Variants in TCFL5 observed in about 807,000 individuals in gnomAD.
The protein encoded by TCFL5 is transcription factor-like 5 protein.
A neutral mutation model predicts 44.3 loss-of-function variants in TCFL5; 9 were observed. That is an observed-to-expected ratio of 0.20 (90% CI 0.12 to 0.35). The LOEUF is 0.35. TCFL5 is among the 10% of genes least tolerant of loss of function. TCFL5 has a pLI of 1.00. For missense variants in TCFL5, 603 were observed against 613.4 expected (o/e 0.98, Z 0.18); for synonymous variants, 319 against 271.6 (o/e 1.17, Z -1.72).
chr20:62,853,092 G>A (rs777591263), intron 5 of TCFL5, among the ~76,000 whole-genome samples: 13 of 141,626 alleles, frequency 9.2e-5, no homozygotes, highest in Middle Eastern at 4.0e-3. Context: ...CACAGTCACC[G>A]GTCCACAGAA....
At chr20:62,845,847 G>A (rs766307134) in intron 5 of TCFL5, 11 of 1,589,936 alleles carry the variant, frequency 6.9e-6, no homozygotes, top group Non-Finnish European at 9.4e-6. Flanking sequence ...TTATGACAAA[G>A]ATCAGTTTGC....
At chr20:62,852,149 T>TA (rs1434342348) in intron 5 of TCFL5, 2 of 985,432 alleles carry the variant, frequency 2.0e-6, no homozygotes, top group Non-Finnish European at 2.4e-6. Context: ...GCAGCAACCT[T>TA]AGTTTGTTCT....
intron 5 of TCFL5, among the ~76,000 whole-genome samples, chr20:62,849,835 G>A (rs2063785663): frequency 6.6e-6 from 1 of 152,016 alleles, no homozygotes. Flanking sequence ...CACACCTGAA[G>A]TCCTAGCTAC....
At chr20:62,844,564 T>C (rs2063715899) in intron 5 of TCFL5, among the ~76,000 whole-genome samples, 1 of 146,848 alleles carries the variant, frequency 6.8e-6, no homozygotes, top group Admixed American at 6.7e-5. Flanking sequence ...TTTTTCTGTT[T>C]TTTTTTGTTT....
Position 62,861,699 on chromosome 20 carries a change from A to C in TCFL5, c.-29T>G, listed in dbSNP as rs1355572438. Reference sequence around the variant, plus strand: ...GGCGCGGCGCGGCCCAACGGCGGCGAGGGCGACGCGGGCGGCGGGCGGCGG... The same window carrying C: ...GGCGCGGCGCGGCCCAACGGCGGCGCGGGCGACGCGGGCGGCGGGCGGCGG... On this transcript the variant is annotated 5_prime_UTR_variant, in exon 1 of 6. Transcript: ENST00000335351. This position sits in a 1 kb window ranked among gnomAD's most constrained non-coding sequence, Gnocchi z 4.0. The C allele has an allele frequency of 1.1e-5, 2 of 174,548 alleles. No individual in the cohort carries two copies. The highest frequency in any genetic ancestry group is 2.1e-5 in the Non-Finnish European group (2 of 96,058). 10.8% of individuals were successfully genotyped at this position (174,548 alleles called of 1,614,324 possible).
chr20:62,844,830 A>G, intron 5 of TCFL5: 1 of 963,022 alleles, frequency 1.0e-6, no homozygotes, highest in Non-Finnish European at 1.2e-6. Flanking sequence ...TCCTGACCTC[A>G]GGTGATCCAC....
At chr20:62,843,717 GA>G (rs1270818931) in intron 5 of TCFL5, among the ~76,000 whole-genome samples, 1 of 152,182 alleles carries the variant, frequency 6.6e-6, no homozygotes, top group Non-Finnish European at 1.5e-5. Flanking sequence ...ACCCTAAACA[GA>G]AACTCCGTAC....
At chr20:62,851,431 G>C (rs1162194685) in intron 5 of TCFL5, 2 of 734,250 alleles carry the variant, frequency 2.7e-6, no homozygotes, top group African/African-American at 3.9e-5. Flanking sequence ...CCTTCGTCTT[G>C]AGTAAATCAG....
At chr20:62,851,737 C>A in intron 5 of TCFL5, 10 of 985,420 alleles carry the variant, frequency 1.0e-5, no homozygotes, top group Non-Finnish European at 1.2e-5. Context: ...TATTGCCTGG[C>A]GCTGAAGAGA....
intron 4 of TCFL5, among the ~76,000 whole-genome samples, chr20:62,857,161 G>C (rs573107672): frequency 6.6e-6 from 1 of 152,294 alleles, no homozygotes; most frequent in Non-Finnish European, 1.5e-5. Context: ...TTTCTCCATA[G>C]TAAGTCACAG....
intron 5 of TCFL5, chr20:62,852,555 G>C: frequency 4.1e-6 from 4 of 985,490 alleles, no homozygotes; most frequent in Non-Finnish European, 4.8e-6. Context: ...CGACCACACA[G>C]ACAGGATCAC....
At position 62,859,703 on chromosome 20, in the gene TCFL5, G is replaced by GT. The variant is rs1194004811; in HGVS notation, c.832-178dup. Among the ~76,000 whole-genome samples the GT allele has an allele frequency of 1.0e-4, 15 of 148,962 alleles. 2 individuals are homozygous for GT. The highest frequency in any genetic ancestry group is 3.9e-4 in the East Asian group (2 of 5,098). The stretch of plus-strand genomic sequence containing the variant: ...CCACATAAACACTCAACTTTCACAG[G>GT]TATTTTTTTGTTTTTGTTTTTTTGT... On this transcript the variant is annotated intron_variant, in intron 2 of 5. Coordinates refer to ENST00000335351, the MANE Select transcript of TCFL5 (RefSeq NM_006602.4).
intron 1 of TCFL5, among the ~76,000 whole-genome samples, 168 bp from the exon 2 acceptor site, chr20:62,860,476 T>C (rs1329207775): frequency 6.6e-6 from 1 of 152,214 alleles, no homozygotes; most frequent in African/African-American, 2.4e-5. Flanking sequence ...AGTCCTCCTC[T>C]TCCTATGGAG....
At chr20:62,855,479 T>C (rs1285910373) in intron 4 of TCFL5, among the ~76,000 whole-genome samples, 2 of 152,168 alleles carry the variant, frequency 1.3e-5, no homozygotes, top group African/African-American at 2.4e-5. Flanking sequence ...TTAAAAGAAA[T>C]TGCCATGCCA....
intron 5 of TCFL5, among the ~76,000 whole-genome samples, chr20:62,844,127 C>T (rs1311346902): frequency 2.0e-5 from 3 of 152,190 alleles, no homozygotes; most frequent in Non-Finnish European, 4.4e-5. Context: ...CTATGTTGAA[C>T]CTTCTGAGGA....
Position 62,854,178 on chromosome 20 carries a change from C to T in TCFL5, c.1239-21G>A, listed in dbSNP as rs1015585390. 5 of 1,612,888 alleles carry T rather than the reference C, an allele frequency of 3.1e-6. No homozygotes were observed. The African/African-American group carries it at 4.0e-5, about 13-fold the overall frequency. On this transcript the variant is annotated intron_variant, in intron 4 of 5. Transcript: ENST00000335351. ...TGCGCCTATAGTCAAAACCCAAAGT[C>T]ATCACCGAGAGAGACCGGAGCAAAA...
In TCFL5 at chr20:62,841,572, T is replaced by C. The variant is rs936792072; in HGVS notation, c.*403A>G. On this transcript the variant is annotated 3_prime_UTR_variant, in exon 6 of 6. Coordinates refer to ENST00000335351, the MANE Select transcript of TCFL5 (RefSeq NM_006602.4). ...TAGTTAACAATTTAACTTGTTCCAA[T>C]TGCTAAAGGGGCATATTTAAAAGGT... 6.4e-6 allele frequency: 1 copy of C among 156,934 alleles called. No homozygotes were observed. Among genetic ancestry groups the C allele is most frequent in the African/African-American group, 2.4e-5 (1 of 41,508 alleles). 9.7% of individuals were successfully genotyped at this position (156,934 alleles called of 1,614,324 possible). A position where few individuals can be genotyped will look rare whatever the true frequency, so the allele number is the denominator to read the frequency against.
intron 4 of TCFL5, 59 bp downstream of exon 4, chr20:62,857,336 C>T: frequency 6.3e-7 from 1 of 1,591,638 alleles, no homozygotes; most frequent in Non-Finnish European, 8.6e-7. Flanking sequence ...TCTGTGATAA[C>T]CATGTATGAC....
At chr20:62,850,077 T>G (rs753263719) in intron 5 of TCFL5, among the ~76,000 whole-genome samples, 1 of 152,174 alleles carries the variant, frequency 6.6e-6, no homozygotes, top group African/African-American at 2.4e-5. Flanking sequence ...AAAGACTTAT[T>G]ATCTTGGGGA....
Sources: allele counts gnomAD v4.1 joint callset (sites outside exome capture counted in the v4.1 genomes callset), GRCh38; gene constraint gnomAD v4.1.1; non-coding constraint Gnocchi (gnomAD v3.1); transcripts MANE v1.5; gene names NCBI Gene and HGNC (gene_info 2026-07-23, HGNC 2026-07-21).